Variants in FHIT observed in about 807,000 individuals in gnomAD.
FHIT encodes bis(5'-adenosyl)-triphosphatase.
Under a neutral mutation model 17.9 loss-of-function variants are expected in FHIT, and 19 were observed. The observed-to-expected ratio is 1.06, with a 90% confidence interval of 0.74 to 1.56. The LOEUF (loss-of-function observed/expected upper bound fraction) is 1.56. Among genes scored for constraint, FHIT ranks in the 40% most tolerant of loss-of-function variants. The pLI is 0.00. For missense variants in FHIT, 248 were observed against 189.2 expected (o/e 1.31, Z -1.82); for synonymous variants, 81 against 69.7 (o/e 1.16, Z -0.81).
intron 7 of FHIT, among the ~76,000 whole-genome samples, chr3:59,962,929 T>G (rs1383336639): frequency 6.6e-6 from 1 of 152,176 alleles, no homozygotes; most frequent in Non-Finnish European, 1.5e-5. Flanking sequence ...TTGCCAATAT[T>G]TTATTTCTAA....
At chr3:59,917,807 T>C (rs1028121924) in intron 8 of FHIT, among the ~76,000 whole-genome samples, 78 of 152,146 alleles carry the variant, frequency 5.1e-4, no homozygotes, top group African/African-American at 1.8e-3. Context: ...TAATCAAGAT[T>C]GGAAAGAAAG....
At chr3:60,544,516 TA>T (rs576516962) in intron 4 of FHIT, among the ~76,000 whole-genome samples, 19 of 152,150 alleles carry the variant, frequency 1.2e-4, no homozygotes, top group Non-Finnish European at 2.1e-4. Context: ...CACAAGGTAT[TA>T]TTTTTTAATA....
chr3:61,000,020 C>G (rs1320325553), intron 3 of FHIT, among the ~76,000 whole-genome samples: 2 of 152,100 alleles, frequency 1.3e-5, no homozygotes, highest in Non-Finnish European at 2.9e-5. Context: ...ACAACTTAAT[C>G]ACCTCCCAAA....
chr3:60,806,249 C>T (rs1348004260), intron 4 of FHIT, among the ~76,000 whole-genome samples: 1 of 152,202 alleles, frequency 6.6e-6, no homozygotes, highest in Non-Finnish European at 1.5e-5. Flanking sequence ...GCACCCCAGG[C>T]AGCAGCCACA....
At chr3:60,329,193 A>G (rs1206808190) in intron 5 of FHIT, among the ~76,000 whole-genome samples, 1 of 152,186 alleles carries the variant, frequency 6.6e-6, no homozygotes, top group Non-Finnish European at 1.5e-5. Context: ...ACCTATTTAT[A>G]CAAGAGATTT....
At chr3:60,939,667 T>C (rs1708329002) in intron 3 of FHIT, among the ~76,000 whole-genome samples, 1 of 152,198 alleles carries the variant, frequency 6.6e-6, no homozygotes, top group Admixed American at 6.5e-5. Flanking sequence ...TGTAGCTCCA[T>C]TATTTTTACT....
intron 1 of FHIT, among the ~76,000 whole-genome samples, chr3:61,235,581 AGTCCC>A (rs1378446191): frequency 1.3e-5 from 2 of 152,242 alleles, no homozygotes; most frequent in African/African-American, 4.8e-5. Flanking sequence ...GCATGCCTGT[AGTCCC>A]AGCTACTTGG....
intron 4 of FHIT, among the ~76,000 whole-genome samples, chr3:60,749,967 T>C (rs1365361728): frequency 6.6e-6 from 1 of 152,338 alleles, no homozygotes; most frequent in East Asian, 1.9e-4. Flanking sequence ...GGGAACTTTT[T>C]CTATGTCATT....
intron 3 of FHIT, among the ~76,000 whole-genome samples, chr3:60,925,187 C>A (rs1423370238): frequency 6.6e-6 from 1 of 152,088 alleles, no homozygotes; most frequent in Non-Finnish European, 1.5e-5. Flanking sequence ...GGCCAACATT[C>A]AAATTCAGGA....
At chr3:60,438,766 G>A (rs2030523688) in intron 5 of FHIT, among the ~76,000 whole-genome samples, 1 of 151,942 alleles carries the variant, frequency 6.6e-6, no homozygotes, top group Non-Finnish European at 1.5e-5. Flanking sequence ...CCACATTGTT[G>A]GGTTAAATCA....
intron 5 of FHIT, among the ~76,000 whole-genome samples, chr3:60,406,032 T>A (rs1701843948): frequency 1.3e-5 from 2 of 152,200 alleles, no homozygotes; most frequent in South Asian, 4.1e-4. Flanking sequence ...TCAATTATTA[T>A]TAGATATTTG....
intron 5 of FHIT, among the ~76,000 whole-genome samples, chr3:60,087,659 C>T (rs1703552188): frequency 6.6e-6 from 1 of 152,190 alleles, no homozygotes. Context: ...AGGACATGGA[C>T]ACGATGCAGC....
At chr3:59,904,085 C>T (rs1310867419) in intron 8 of FHIT, among the ~76,000 whole-genome samples, 1 of 143,056 alleles carries the variant, frequency 7.0e-6, no homozygotes, top group Admixed American at 7.2e-5. Flanking sequence ...CTCCCCCACA[C>T]CCCCCCGCCC....
At chr3:60,544,513 T>A (rs1259425047) in intron 4 of FHIT, among the ~76,000 whole-genome samples, 1 of 152,082 alleles carries the variant, frequency 6.6e-6, no homozygotes, top group East Asian at 1.9e-4. Flanking sequence ...CGTCACAAGG[T>A]ATTATTTTTT....
rs376964506 is a variant in FHIT at position 60,075,619 on chromosome 3, C to T, written c.104-61467G>A. ...AGTAACTTTAATAGTCTACTGTGCA[C>T]CGTGAAGCTCTCAGACCTGGTGGAT... is the stretch of plus-strand genomic sequence containing the variant. On this transcript the variant is annotated intron_variant, in intron 5 of 9. Transcript: ENST00000492590. 8.5e-5 allele frequency among the ~76,000 whole-genome samples: 13 copies of T among 152,188 alleles called. No individual in the cohort carries two copies. In the South Asian group the frequency reaches 2.5e-3, roughly 29 times the overall value.
intron 4 of FHIT, among the ~76,000 whole-genome samples, chr3:60,601,687 T>C (rs2038450131): frequency 6.6e-6 from 1 of 151,906 alleles, no homozygotes; most frequent in South Asian, 2.1e-4. Flanking sequence ...AGAAAGAAAA[T>C]AACAGAATGT....
At chr3:61,057,261 C>T (rs1218347144) in intron 2 of FHIT, among the ~76,000 whole-genome samples, 1 of 152,158 alleles carries the variant, frequency 6.6e-6, no homozygotes, top group Non-Finnish European at 1.5e-5. Flanking sequence ...GTCTAAGAAC[C>T]ACACAAAGAA....
At chr3:61,192,753 T>G (rs2038752371) in intron 2 of FHIT, among the ~76,000 whole-genome samples, 1 of 150,042 alleles carries the variant, frequency 6.7e-6, no homozygotes, top group African/African-American at 2.4e-5. Flanking sequence ...CTTTAGATGA[T>G]GGGTCTTCAG....
At chr3:60,858,779 G>A (rs1367682321) in intron 3 of FHIT, among the ~76,000 whole-genome samples, 2 of 152,162 alleles carry the variant, frequency 1.3e-5, no homozygotes, top group African/African-American at 4.8e-5. Flanking sequence ...GTGGCATTGA[G>A]ACCATTTACA....
Sources: gnomAD v4.1 joint callset for allele counts (sites outside exome capture counted in the v4.1 genomes callset) on GRCh38, gnomAD v4.1.1 for gene constraint, MANE v1.5 for transcripts, NCBI Gene and HGNC (gene_info 2026-07-23, HGNC 2026-07-21) for gene names.